The following CUL4A variants were observed in gnomAD, a reference collection of about 807,000 sequenced individuals.
The protein encoded by CUL4A is cullin 4A, also known as cullin-4A.
A neutral mutation model predicts 95.5 loss-of-function variants in CUL4A; 16 were observed. That is an observed-to-expected ratio of 0.17 (90% CI 0.11 to 0.25). The LOEUF (loss-of-function observed/expected upper bound fraction) is 0.25. CUL4A is among the 10% of genes least tolerant of loss of function. CUL4A has a pLI of 1.00. For synonymous variants in CUL4A, 380 were observed against 353.1 expected (o/e 1.08, Z -0.85); for missense variants, 610 against 937.0 (o/e 0.65, Z 4.56).
chr13:113,215,974 T>G (rs1332802411), intron 2 of CUL4A, among the ~76,000 whole-genome samples: 4 of 147,972 alleles, frequency 2.7e-5, no homozygotes, highest in African/African-American at 1.0e-4. Context: ...TGTGGAGGTC[T>G]TTGGGTGACT....
At chr13:113,208,773 C>T, upstream of CUL4A, 2 of 1,427,906 alleles carry the variant, frequency 1.4e-6, no homozygotes, top group South Asian at 1.5e-5. Context: ...GAGGGAGAAC[C>T]TGGGGACCGG....
intron 5 of CUL4A, among the ~76,000 whole-genome samples, chr13:113,230,708 A>T (rs984125501): frequency 1.1e-4 from 16 of 152,324 alleles, no homozygotes; most frequent in Admixed American, 9.2e-4. Context: ...CATAAGTTAA[A>T]ATAACTTGCC....
At chr13:113,251,395 AT>A (rs1190482333) in intron 15 of CUL4A, among the ~76,000 whole-genome samples, 1 of 152,160 alleles carries the variant, frequency 6.6e-6, no homozygotes, top group African/African-American at 2.4e-5. Context: ...AGAGGTTAGA[AT>A]TTCACGCTTT....
chr13:113,228,379 G>A (rs1042640033), intron 4 of CUL4A, among the ~76,000 whole-genome samples: 5 of 152,194 alleles, frequency 3.3e-5, no homozygotes, highest in East Asian at 1.9e-4. Context: ...CACAACCAGC[G>A]TCTTAGGCTT....
intron 5 of CUL4A, among the ~76,000 whole-genome samples, chr13:113,231,166 G>A (rs985482868): frequency 3.3e-5 from 5 of 152,238 alleles, no homozygotes; most frequent in Admixed American, 6.5e-5. Flanking sequence ...ACCACCTCCA[G>A]TCTACCACAA....
chr13:113,234,821 G>A (rs930477196), intron 7 of CUL4A, among the ~76,000 whole-genome samples: 31 of 152,194 alleles, frequency 2.0e-4, no homozygotes, highest in African/African-American at 6.3e-4. Flanking sequence ...GCACAGGGAC[G>A]AAAGAGAAGT....
chr13:113,239,922 G>T (rs1885688), intron 10 of CUL4A, among the ~76,000 whole-genome samples: 36,387 of 152,068 alleles, frequency 0.24, 5,136 homozygotes, highest in East Asian at 0.55. Flanking sequence ...CTTTCCTCAG[G>T]GAGAACTATT....
upstream of CUL4A, chr13:113,208,624 A>C (rs142022899): frequency 2.5e-6 from 4 of 1,607,028 alleles, no homozygotes; most frequent in African/African-American, 2.7e-5. Flanking sequence ...GTTAATGGTA[A>C]TGTGCGCCAT....
chr13:113,213,411 T>C (rs1032848111), intron 2 of CUL4A, among the ~76,000 whole-genome samples: 1 of 152,190 alleles, frequency 6.6e-6, no homozygotes, highest in Non-Finnish European at 1.5e-5. Flanking sequence ...AACTGTTGCT[T>C]CGTATATTTT....
chr13:113,212,812 C>T (rs987228333), intron 2 of CUL4A, among the ~76,000 whole-genome samples: 2 of 152,130 alleles, frequency 1.3e-5, no homozygotes, highest in East Asian at 3.8e-4. Flanking sequence ...AGTCTAGAGT[C>T]AGTGTTTTCC....
intron 9 of CUL4A, among the ~76,000 whole-genome samples, chr13:113,238,054 T>A (rs75823651): frequency 6.6e-6 from 1 of 152,160 alleles, no homozygotes; most frequent in African/African-American, 2.4e-5. Flanking sequence ...TTCTGCTTAT[T>A]CCACACTGAA....
intron 15 of CUL4A, among the ~76,000 whole-genome samples, chr13:113,252,321 G>A (rs1222025719): frequency 2.0e-5 from 3 of 152,032 alleles, no homozygotes; most frequent in African/African-American, 4.8e-5. Flanking sequence ...GGAGCGCTTG[G>A]GCCCAGGATT....
chr13:113,243,673 T>C (rs977921940), intron 11 of CUL4A, among the ~76,000 whole-genome samples: 1 of 151,178 alleles, frequency 6.6e-6, no homozygotes, highest in Non-Finnish European at 1.5e-5. Context: ...CTGCTGAAGA[T>C]GTAAGATGGA....
chr13:113,231,441 G>T (rs2041306306), intron 5 of CUL4A, among the ~76,000 whole-genome samples: 1 of 152,196 alleles, frequency 6.6e-6, no homozygotes, highest in African/African-American at 2.4e-5. Flanking sequence ...AGCCTGTGTG[G>T]GGAGTGGGAG....
At chr13:113,216,166 A>G (rs1265661531) in intron 2 of CUL4A, among the ~76,000 whole-genome samples, 1 of 149,054 alleles carries the variant, frequency 6.7e-6, no homozygotes, top group Non-Finnish European at 1.5e-5. Flanking sequence ...TTGTGTGACT[A>G]TGGAGGTCAC....
rs753183149 is a variant in CUL4A at position 113,245,022 on chromosome 13, C to T, written c.1407C>T (p.Val469=). Residue 469 remains valine (V), a synonymous_variant, in exon 13 of 20, where the codon GTC becomes GTT. Coordinates refer to ENST00000375440, the MANE Select transcript of CUL4A (RefSeq NM_001008895.4). ...KRLLVGKSAS[V]DAEKSMLSKL... is the part of the protein sequence containing the mutation. ...TCCTTGTTGGGAAAAGTGCCTCAGT[C>T]GATGCTGAAAAGTCTATGTTGTCAA... is the stretch of plus-strand genomic sequence containing the variant. 2.5e-6 allele frequency: 4 copies of T among 1,614,102 alleles called. No individual in the cohort carries two copies. The highest frequency in any genetic ancestry group is 1.6e-4 in the Middle Eastern group (1 of 6,062).
At chr13:113,211,406 CGGAGTTTCACTCTTGT>C (rs1232054609) in intron 2 of CUL4A, among the ~76,000 whole-genome samples, 1 of 152,136 alleles carries the variant, frequency 6.6e-6, no homozygotes, top group East Asian at 1.9e-4. Context: ...TTCTTTGAGA[CGGAGTTTCACTCTTGT>C]GGCCCAGGCT....
chr13:113,237,538 C>T lies in CUL4A; in HGVS notation c.916+648C>T, dbSNP rs371369723. The stretch of plus-strand genomic sequence containing the variant: ...GTCTTACCTCGATCTTTGTTTATTG[C>T]TGTTTTTTCTAGGCTTCAAAGTGTG... On this transcript the variant is annotated intron_variant, in intron 9 of 19. Transcript: ENST00000375440. Among the ~76,000 whole-genome samples, 41 of 152,314 alleles carry T rather than the reference C, an allele frequency of 2.7e-4. No individual in the cohort carries two copies. The South Asian group carries it at 8.3e-3, about 31-fold the overall frequency.
intron 7 of CUL4A, 72 bp downstream of exon 7, chr13:113,234,058 A>G (rs554083084): frequency 2.1e-4 from 185 of 868,898 alleles, no homozygotes; most frequent in Non-Finnish European, 3.2e-4. Flanking sequence ...GACTTTCCTC[A>G]TGTTTGCCTT....
Sources: gnomAD v4.1 joint callset for allele counts (sites outside exome capture counted in the v4.1 genomes callset) on GRCh38, gnomAD v4.1.1 for gene constraint, MANE v1.5 for transcripts, NCBI Gene and HGNC (gene_info 2026-07-23, HGNC 2026-07-21) for gene names.